The following FDFT1 variants were observed in gnomAD, a reference collection of about 807,000 sequenced individuals.
The protein encoded by FDFT1 is squalene synthase.
In FDFT1, 68 loss-of-function variants were observed where a neutral mutation model predicts 46.8. The ratio of observed to expected loss-of-function variants is 1.45; its 90% confidence interval spans 1.19 to 1.78. The LOEUF is 1.78. FDFT1 is among the 40% of genes most tolerant of loss of function. FDFT1 has a pLI of 0.00. For synonymous variants in FDFT1, 351 were observed against 185.1 expected (o/e 1.90, Z -7.28); for missense variants, 928 against 524.4 (o/e 1.77, Z -7.52).
intron 7 of FDFT1, among the ~76,000 whole-genome samples, chr8:11,832,278 G>A (rs1386141050): frequency 6.6e-6 from 1 of 152,046 alleles, no homozygotes; most frequent in African/African-American, 2.4e-5. Context: ...TTTCTGGCCA[G>A]GCACAGTAGC....
intron 5 of FDFT1, among the ~76,000 whole-genome samples, chr8:11,829,075 G>C (rs183333744): frequency 7.0e-4 from 106 of 152,344 alleles, no homozygotes; most frequent in Non-Finnish European, 1.2e-3. Flanking sequence ...GGAGCTGCCA[G>C]ACGCTTTTCC....
At position 11,832,583 on chromosome 8, in the gene FDFT1, G is replaced by C. The variant is rs9886380; in HGVS notation, c.1032+913G>C. ...AAAAAAAAAAAAAAAAAAAGTCTTA[G>C]AGACCAGAAGTCTTTGTAATCTCTA... On this transcript the variant is annotated intron_variant, in intron 7 of 7. Transcript: ENST00000220584. 5.9e-3 allele frequency among the ~76,000 whole-genome samples: 390 copies of C among 66,468 alleles called. 4 individuals carry two copies. Among genetic ancestry groups the C allele is most frequent in the African/African-American group, 0.014 (369 of 26,470 alleles). The allele number at this position is 66,468 out of a possible 152,430, so 43.6% of individuals were successfully genotyped here.
upstream of FDFT1, among the ~76,000 whole-genome samples, chr8:11,799,341 G>T (rs1256636228): frequency 6.6e-6 from 1 of 152,202 alleles, no homozygotes; most frequent in East Asian, 1.9e-4. Context: ...GGAGCTGCAG[G>T]TGTTTTACTA....
chr8:11,797,703 G>A (rs1805707530), upstream of FDFT1, among the ~76,000 whole-genome samples: 2 of 150,888 alleles, frequency 1.3e-5, no homozygotes, highest in Non-Finnish European at 2.9e-5. Context: ...ACAGATAAAG[G>A]AGAGGCCAGG....
At chr8:11,815,707 T>C (rs1482469948) in intron 3 of FDFT1, among the ~76,000 whole-genome samples, 2 of 152,264 alleles carry the variant, frequency 1.3e-5, no homozygotes, top group Non-Finnish European at 2.9e-5. Context: ...TGCCCACTTA[T>C]TGATGGGGTT....
intron 7 of FDFT1, among the ~76,000 whole-genome samples, chr8:11,834,687 AAGCTGATTCCATATTCGCAGTTGT>A (rs1811300319): frequency 6.6e-6 from 1 of 152,262 alleles, no homozygotes; most frequent in Non-Finnish European, 1.5e-5. Context: ...AATGATGATC[AAGCTGATTCCATATTCGCAGTTGT>A]AAGTAGAACT....
At chr8:11,818,246 T>G (rs1176127375) in intron 3 of FDFT1, among the ~76,000 whole-genome samples, 1 of 152,234 alleles carries the variant, frequency 6.6e-6, no homozygotes, top group Non-Finnish European at 1.5e-5. Flanking sequence ...TAATTTCTGT[T>G]CTTTTACATT....
intron 2 of FDFT1, chr8:11,809,424 T>A (rs1272820941): frequency 8.0e-7 from 1 of 1,243,428 alleles, no homozygotes; most frequent in Non-Finnish European, 1.0e-6. Flanking sequence ...GCAACTCACT[T>A]CTGGGAGTAG....
intron 3 of FDFT1, among the ~76,000 whole-genome samples, chr8:11,818,050 G>A (rs964287751): frequency 5.3e-5 from 8 of 152,112 alleles, no homozygotes; most frequent in Non-Finnish European, 1.2e-4. Flanking sequence ...CAGAGATTCT[G>A]GTATGTTGTG....
At chr8:11,798,968 G>T (rs1272177841), upstream of FDFT1, among the ~76,000 whole-genome samples, 2 of 152,226 alleles carry the variant, frequency 1.3e-5, no homozygotes, top group Admixed American at 6.5e-5. Flanking sequence ...AGGAAAAGGC[G>T]TTTGAGGTAG....
At chr8:11,831,941 C>T (rs962193184) in intron 7 of FDFT1, 1 of 338,336 alleles carries the variant, frequency 3.0e-6, no homozygotes. Flanking sequence ...TTTTGAGCTG[C>T]AAGATGATGC....
intron 1 of FDFT1, chr8:11,796,015 A>C (rs999754359): frequency 6.6e-6 from 1 of 152,216 alleles, no homozygotes; most frequent in African/African-American, 2.4e-5. Flanking sequence ...CTCTAAGGTG[A>C]AAGATTGGTT....
At chr8:11,820,128 G>A (rs1809016212) in intron 3 of FDFT1, among the ~76,000 whole-genome samples, 1 of 152,132 alleles carries the variant, frequency 6.6e-6, no homozygotes, top group South Asian at 2.1e-4. Flanking sequence ...GGAGTTGCTG[G>A]AGGTCCACTC....
At chr8:11,802,349 G>A, upstream of FDFT1, 1 of 423,674 alleles carries the variant, frequency 2.4e-6, no homozygotes, top group East Asian at 7.1e-5. Context: ...TGGGGAGGAA[G>A]CAGCCCCGCA....
upstream of FDFT1, among the ~76,000 whole-genome samples, chr8:11,801,269 C>A (rs1191234131): frequency 6.6e-6 from 1 of 152,216 alleles, no homozygotes; most frequent in South Asian, 2.1e-4. Flanking sequence ...GGTGCTTTGG[C>A]TTTTGTTGGA....
At chr8:11,823,023 C>T (rs902296433) in intron 4 of FDFT1, among the ~76,000 whole-genome samples, 5 of 152,068 alleles carry the variant, frequency 3.3e-5, no homozygotes, top group African/African-American at 1.2e-4. Flanking sequence ...GGTGTGATCA[C>T]GGCTCCCCGC....
At chr8:11,809,005 C>G (rs916987710) in intron 2 of FDFT1, 114 bp downstream of exon 2, 35 of 1,476,142 alleles carry the variant, frequency 2.4e-5, no homozygotes, top group Middle Eastern at 4.2e-4. Flanking sequence ...GTTGCTGTGG[C>G]TTATCCAGAA....
At chr8:11,800,676 C>G (rs550875027), upstream of FDFT1, among the ~76,000 whole-genome samples, 1 of 152,154 alleles carries the variant, frequency 6.6e-6, no homozygotes, top group Admixed American at 6.5e-5. Flanking sequence ...ATTGTGAGAG[C>G]TAAGAACATG....
At chr8:11,808,215 A>C (rs1354372837) in intron 1 of FDFT1, 1 of 1,146,924 alleles carries the variant, frequency 8.7e-7, no homozygotes, top group Non-Finnish European at 1.1e-6. Context: ...AGAGGATTTC[A>C]GCGGAGCCCG....
Sources: allele counts gnomAD v4.1 joint callset (sites outside exome capture counted in the v4.1 genomes callset), GRCh38; gene constraint gnomAD v4.1.1; transcripts MANE v1.5; gene names NCBI Gene and HGNC (gene_info 2026-07-23, HGNC 2026-07-21).